The following CORIN variants were observed in gnomAD, a reference collection of about 807,000 sequenced individuals.
CORIN encodes atrial natriuretic peptide-converting enzyme.
CORIN carries 117 observed loss-of-function variants against 125.3 expected under a neutral mutation model. The observed-to-expected ratio is 0.93, with a 90% CI of 0.80 to 1.09. The LOEUF (loss-of-function observed/expected upper bound fraction) is 1.09, where lower values mean the gene tolerates loss of function less well. Among genes scored for constraint, CORIN ranks in the 50% least tolerant of loss-of-function variants. The pLI is 0.00. For missense variants in CORIN, 1,253 were observed against 1,306.7 expected (o/e 0.96, Z 0.63); for synonymous variants, 450 against 466.4 (o/e 0.96, Z 0.45).
intron 19 of CORIN, among the ~76,000 whole-genome samples, chr4:47,608,157 C>T (rs1166153467): frequency 1.3e-5 from 2 of 151,400 alleles, no homozygotes; most frequent in African/African-American, 4.9e-5. Context: ...CCCATTTCTA[C>T]AAAAAATACA....
At chr4:47,680,447 G>C in intron 7 of CORIN, 196 bp from the exon 8 acceptor site, 1 of 503,846 alleles carries the variant, frequency 2.0e-6, no homozygotes, top group Non-Finnish European at 3.5e-6. Flanking sequence ...CCATCACTGT[G>C]GGGTAAGATG....
At chr4:47,837,457 C>G (rs1486365932) in intron 1 of CORIN, 2 of 270,752 alleles carry the variant, frequency 7.4e-6, no homozygotes, top group Non-Finnish European at 1.4e-5. Context: ...TGTAGATCCC[C>G]GAGGGGCTGG....
intron 3 of CORIN, among the ~76,000 whole-genome samples, chr4:47,775,726 G>A (rs922541940): frequency 6.6e-6 from 1 of 152,150 alleles, no homozygotes; most frequent in Non-Finnish European, 1.5e-5. Context: ...CTACTGGGAG[G>A]TTGACAGCGT....
chr4:47,798,526 A>G (rs1205807177), intron 2 of CORIN, among the ~76,000 whole-genome samples: 1 of 152,144 alleles, frequency 6.6e-6, no homozygotes, highest in Non-Finnish European at 1.5e-5. Flanking sequence ...CAATTTAATG[A>G]GGTTTTTAAA....
intron 5 of CORIN, among the ~76,000 whole-genome samples, chr4:47,735,702 C>T (rs1009985895): frequency 2.0e-5 from 3 of 151,930 alleles, no homozygotes; most frequent in Admixed American, 6.6e-5. Flanking sequence ...GGGCGGATCA[C>T]GAGGTCAGGA....
intron 5 of CORIN, among the ~76,000 whole-genome samples, chr4:47,715,884 C>T (rs761541518): frequency 3.8e-4 from 58 of 152,126 alleles, no homozygotes; most frequent in African/African-American, 4.8e-4. Flanking sequence ...CATATTGGAA[C>T]GGGTTGGCAA....
At chr4:47,786,196 T>C (rs974578525) in intron 3 of CORIN, among the ~76,000 whole-genome samples, 2 of 152,170 alleles carry the variant, frequency 1.3e-5, no homozygotes, top group Non-Finnish European at 2.9e-5. Flanking sequence ...CATTTCTTAC[T>C]CAGTCCTACC....
In CORIN at chr4:47,744,537, C is replaced by T. The variant is rs748796830; in HGVS notation, c.664G>A (p.Gly222Ser). The stretch of plus-strand genomic sequence containing the variant: ...ACCATCCCCAGGACTGATTCACAGC[C>T]TTCTTTTGCAGCCTCACAGAAGGAC... ...CRSFCEAAKEGCESVLGMVNY... is the reference protein window; with the variant it reads ...CRSFCEAAKESCESVLGMVNY... The change falls in exon 5 of 22, where the codon GGC becomes AGC. Residue 222 changes from glycine (G) to serine (S), a missense_variant. Transcript: ENST00000273857. 1 of 1,613,082 alleles carries T rather than the reference C, an allele frequency of 6.2e-7. No individual in the cohort carries two copies. Among genetic ancestry groups the T allele is most frequent in the South Asian group, 1.1e-5 (1 of 90,938 alleles).
chr4:47,634,736 C>G (rs1722959806), intron 16 of CORIN, among the ~76,000 whole-genome samples: 1 of 152,198 alleles, frequency 6.6e-6, no homozygotes, highest in East Asian at 1.9e-4. Context: ...CAGTAAGACA[C>G]TTTGATTGGT....
chr4:47,686,939 C>T (rs558346020), intron 6 of CORIN, among the ~76,000 whole-genome samples: 1 of 152,176 alleles, frequency 6.6e-6, no homozygotes, highest in Non-Finnish European at 1.5e-5. Context: ...TATTTGTCTT[C>T]TATGAGGCCC....
chr4:47,744,497 G>C lies in CORIN; in HGVS notation c.704C>G (p.Pro235Arg), dbSNP rs141909615. ...AAACTGGGAGCATCTGAGGAAATCCGGCCAGGAGTAATTCACCATCCCCAG... is the reference window on the plus strand; with the variant it reads ...AAACTGGGAGCATCTGAGGAAATCCCGCCAGGAGTAATTCACCATCCCCAG... ...SVLGMVNYSW[P>R]DFLRCSQFRN... Residue 235 changes from proline (P) to arginine (R), a missense_variant, in exon 5 of 22, where the codon CCG becomes CGG. Pro to Arg is a moderately radical substitution (Grantham distance 103, BLOSUM62 -2). Transcript: ENST00000273857. 1.2e-6 allele frequency: 2 copies of C among 1,613,784 alleles called. No individual in the cohort carries two copies. The highest frequency in any genetic ancestry group is 3.3e-5 in the Admixed American group (2 of 59,984).
At chr4:47,821,807 G>T (rs1365908585) in intron 1 of CORIN, among the ~76,000 whole-genome samples, 1 of 152,122 alleles carries the variant, frequency 6.6e-6, no homozygotes, top group African/African-American at 2.4e-5. Context: ...CACCTAATTT[G>T]CTTATGAAAA....
At chr4:47,818,341 C>T (rs1308586105) in intron 1 of CORIN, among the ~76,000 whole-genome samples, 1 of 152,070 alleles carries the variant, frequency 6.6e-6, no homozygotes, top group Non-Finnish European at 1.5e-5. Context: ...GCACCCAGGT[C>T]TAATACGCTT....
chr4:47,727,488 T>C (rs979243978), intron 5 of CORIN, among the ~76,000 whole-genome samples: 26 of 152,242 alleles, frequency 1.7e-4, no homozygotes, highest in African/African-American at 6.0e-4. Context: ...TTTGATAAAT[T>C]AATCAGAAAA....
chr4:47,727,351 C>A (rs1181295296), intron 5 of CORIN, among the ~76,000 whole-genome samples: 1 of 152,014 alleles, frequency 6.6e-6, no homozygotes, highest in Non-Finnish European at 1.5e-5. Context: ...CTGATATAGT[C>A]TACACAAACC....
chr4:47,785,526 T>C (rs574948670), intron 3 of CORIN, among the ~76,000 whole-genome samples: 2 of 152,206 alleles, frequency 1.3e-5, no homozygotes, highest in Non-Finnish European at 1.5e-5. Context: ...GATTTTTTTT[T>C]TTGTCATTCA....
chr4:47,737,178 A>G (rs551665428), intron 5 of CORIN, among the ~76,000 whole-genome samples: 1 of 152,274 alleles, frequency 6.6e-6, no homozygotes, highest in Non-Finnish European at 1.5e-5. Flanking sequence ...AACCAGAGGT[A>G]GACGGAGCCT....
intron 5 of CORIN, among the ~76,000 whole-genome samples, chr4:47,716,063 TG>T (rs1727073910): frequency 6.6e-6 from 1 of 152,238 alleles, no homozygotes; most frequent in African/African-American, 2.4e-5. Context: ...TTGAACTAAA[TG>T]TAGTACTCTA....
intron 16 of CORIN, among the ~76,000 whole-genome samples, chr4:47,628,593 T>G (rs1336368639): frequency 2.0e-5 from 3 of 152,168 alleles, no homozygotes; most frequent in Non-Finnish European, 4.4e-5. Flanking sequence ...TTACCAAATC[T>G]TTGTACCCTT....
Sources: allele counts gnomAD v4.1 joint callset (sites outside exome capture counted in the v4.1 genomes callset), GRCh38; gene constraint gnomAD v4.1.1; transcripts MANE v1.5; gene names NCBI Gene and HGNC (gene_info 2026-07-23, HGNC 2026-07-21).